YWHAE: variants seen among roughly 807,000 people sequenced by gnomAD.
YWHAE encodes the protein tyrosine 3-monooxygenase/tryptophan 5-monooxygenase activation protein epsilon.
In YWHAE, 4 loss-of-function variants were observed where a neutral mutation model predicts 30.1. That is an observed-to-expected ratio of 0.13 (90% CI 0.07 to 0.30). The LOEUF is 0.30. Ranked by LOEUF, YWHAE falls within the 10% of genes least tolerant of loss-of-function variation. The probability of loss-of-function intolerance (pLI) is 1.00; values close to 1 mark genes in which losing one functional copy is unlikely to be tolerated. For missense variants in YWHAE, 121 were observed against 315.9 expected, an observed-to-expected ratio of 0.38 and a Z score of 4.68; for synonymous variants, 118 against 111.8, an observed-to-expected ratio of 1.06 and a Z score of -0.35.
intron 5 of YWHAE, among the ~76,000 whole-genome samples, chr17:1,346,040 C>T (rs2072511126): frequency 6.6e-6 from 1 of 151,336 alleles, no homozygotes; most frequent in Admixed American, 6.6e-5. Flanking sequence ...GCCAGATACA[C>T]CAAACTATAA....
intron 1 of YWHAE, among the ~76,000 whole-genome samples, chr17:1,376,335 GAA>G (rs1286403779): frequency 6.6e-6 from 1 of 151,796 alleles, no homozygotes; most frequent in African/African-American, 2.4e-5. Flanking sequence ...AACGAAGACA[GAA>G]AGACAGACAG....
At chr17:1,352,447 G>T (rs1240278696) in intron 5 of YWHAE, among the ~76,000 whole-genome samples, 1 of 151,920 alleles carries the variant, frequency 6.6e-6, no homozygotes, top group Non-Finnish European at 1.5e-5. Flanking sequence ...CAATACAGCA[G>T]GTCCGTTTCC....
chr17:1,375,530 G>C (rs996299188), intron 1 of YWHAE, among the ~76,000 whole-genome samples: 1 of 152,168 alleles, frequency 6.6e-6, no homozygotes, highest in African/African-American at 2.4e-5. Context: ...ACTTCTTTTG[G>C]ATCCACGGGC....
chr17:1,362,031 T>TTA, intron 2 of YWHAE, 23 bp from the exon 3 acceptor site: 1 of 1,415,618 alleles, frequency 7.1e-7, no homozygotes. Flanking sequence ...AAATTTTTTT[T>TTA]AAATCAGATT....
At chr17:1,394,097 G>C (rs1310093784) in intron 1 of YWHAE, among the ~76,000 whole-genome samples, 1 of 152,150 alleles carries the variant, frequency 6.6e-6, no homozygotes, top group Non-Finnish European at 1.5e-5. Context: ...GAGTGGCTGA[G>C]AGTAAGTGTA....
At chr17:1,366,825 C>T (rs1371197670) in intron 1 of YWHAE, among the ~76,000 whole-genome samples, 1 of 151,810 alleles carries the variant, frequency 6.6e-6, no homozygotes, top group Non-Finnish European at 1.5e-5. Flanking sequence ...GCTTGTAATC[C>T]CAGCTACCAG....
intron 1 of YWHAE, among the ~76,000 whole-genome samples, chr17:1,374,616 G>A (rs1327850944): frequency 6.6e-6 from 1 of 152,136 alleles, no homozygotes; most frequent in Non-Finnish European, 1.5e-5. Context: ...CTTTAAACTA[G>A]TCATCCTAGT....
At chr17:1,356,197 CACACACACACACACACACA>C (rs759903289) in intron 4 of YWHAE, among the ~76,000 whole-genome samples, 1,815 of 147,482 alleles carry the variant, frequency 0.012, 28 homozygotes, top group East Asian at 0.051. Context: ...CACACACACA[CACACACACACACACACACA>C]AAATTAGCCG....
At chr17:1,399,989 C>T in intron 1 of YWHAE, 58 bp downstream of exon 1, 2 of 1,604,706 alleles carry the variant, frequency 1.2e-6, no homozygotes, top group Non-Finnish European at 1.7e-6. Flanking sequence ...TTCCCGGCCT[C>T]TGTGGGCGGC....
At chr17:1,361,621 T>A (rs905677675) in intron 3 of YWHAE, 2 of 421,042 alleles carry the variant, frequency 4.8e-6, no homozygotes, top group Admixed American at 4.0e-5. Flanking sequence ...AGTTTATTAA[T>A]CATAAAATAA....
chr17:1,391,749 G>T (rs1484013202), intron 1 of YWHAE, among the ~76,000 whole-genome samples: 2 of 152,066 alleles, frequency 1.3e-5, no homozygotes, highest in African/African-American at 4.8e-5. Flanking sequence ...AGGCCACAGT[G>T]GGAGGATCGC....
intron 1 of YWHAE, among the ~76,000 whole-genome samples, chr17:1,384,441 C>G (rs1412587636): frequency 6.6e-6 from 1 of 150,644 alleles, no homozygotes; most frequent in African/African-American, 2.4e-5. Flanking sequence ...CCTGTAATCC[C>G]AGCACTTTGG....
At chr17:1,389,722 G>A (rs1433433773) in intron 1 of YWHAE, among the ~76,000 whole-genome samples, 1 of 151,788 alleles carries the variant, frequency 6.6e-6, no homozygotes, top group African/African-American at 2.4e-5. Flanking sequence ...AGTAGAGACA[G>A]GGTTTCACTG....
chr17:1,358,982 A>G (rs1385449260), intron 4 of YWHAE, among the ~76,000 whole-genome samples: 1 of 151,578 alleles, frequency 6.6e-6, no homozygotes, highest in Non-Finnish European at 1.5e-5. Context: ...TAAAAATACA[A>G]AAAATTAGCC....
intron 2 of YWHAE, among the ~76,000 whole-genome samples, chr17:1,363,659 T>G (rs943781661): frequency 6.6e-6 from 1 of 152,158 alleles, no homozygotes; most frequent in African/African-American, 2.4e-5. Flanking sequence ...CCCCTTCCAG[T>G]GCCATTTTAA....
At chr17:1,366,175 C>T (rs758356808) in intron 1 of YWHAE, among the ~76,000 whole-genome samples, 9 of 149,882 alleles carry the variant, frequency 6.0e-5, no homozygotes, top group African/African-American at 1.7e-4. Flanking sequence ...AAGATCATGC[C>T]GCTGCACTCC....
intron 5 of YWHAE, among the ~76,000 whole-genome samples, chr17:1,346,355 C>T (rs1435727731): frequency 1.3e-5 from 2 of 152,100 alleles, no homozygotes; most frequent in Admixed American, 1.3e-4. Flanking sequence ...TTTAAAAAAA[C>T]CACTTACAAT....
At chr17:1,383,909 A>C (rs1028026255) in intron 1 of YWHAE, among the ~76,000 whole-genome samples, 6 of 152,082 alleles carry the variant, frequency 3.9e-5, no homozygotes, top group African/African-American at 1.4e-4. Flanking sequence ...CACATTTAAA[A>C]AATTAGCCGA....
At chr17:1,347,331 CAAAAA>C (rs556974192) in intron 5 of YWHAE, among the ~76,000 whole-genome samples, 1 of 113,508 alleles carries the variant, frequency 8.8e-6, no homozygotes, top group Non-Finnish European at 1.8e-5. Flanking sequence ...GACTCCGTCT[CAAAAA>C]AAAAAAAAAC....
Sources: allele counts gnomAD v4.1 joint callset (sites outside exome capture counted in the v4.1 genomes callset), GRCh38; gene constraint gnomAD v4.1.1; transcripts MANE v1.5; gene names NCBI Gene and HGNC (gene_info 2026-07-23, HGNC 2026-07-21).